CHRNA6: variants seen among roughly 807,000 people sequenced by gnomAD.
CHRNA6 encodes cholinergic receptor nicotinic alpha 6 subunit.
In CHRNA6, 31 loss-of-function variants were observed where a neutral mutation model predicts 40.9. That is an observed-to-expected ratio of 0.76 (90% confidence interval 0.57 to 1.02). CHRNA6 has a LOEUF of 1.02. Ranked by LOEUF, CHRNA6 falls within the 50% of genes least tolerant of loss-of-function variation. CHRNA6 has a pLI of 0.00. For synonymous variants in CHRNA6, 222 were observed against 221.3 expected (o/e 1.00, Z -0.03); for missense variants, 546 against 596.6 (o/e 0.92, Z 0.88).
intron 5 of CHRNA6, among the ~76,000 whole-genome samples, chr8:42,755,184 A>ATTT (rs551656749): frequency 0.013 from 1,805 of 137,130 alleles, 52 homozygotes; most frequent in African/African-American, 0.044. Flanking sequence ...ACGCCTGCTA[A>ATTT]TTTTTTTTTT....
At chr8:42,759,173 G>C (rs1490730556) in intron 2 of CHRNA6, 60 bp from the exon 3 acceptor site, 3 of 1,335,608 alleles carry the variant, frequency 2.2e-6, no homozygotes, top group East Asian at 2.3e-5. Context: ...GTGAGACTTA[G>C]AGCAAAAATT....
intron 2 of CHRNA6, 100 bp from the exon 3 acceptor site, chr8:42,759,213 T>C: frequency 1.2e-6 from 1 of 869,130 alleles, no homozygotes; most frequent in Admixed American, 1.9e-5. Context: ...TCTGACTTAT[T>C]CATGCCAATA....
chr8:42,760,408 A>T (rs1447569685), intron 2 of CHRNA6, among the ~76,000 whole-genome samples: 3 of 151,746 alleles, frequency 2.0e-5, no homozygotes, highest in Non-Finnish European at 2.9e-5. Context: ...ACACATTCGT[A>T]CTCTTATACG....
At chr8:42,757,118 C>G in intron 3 of CHRNA6, 81 bp from the exon 4 acceptor site, 1 of 1,070,790 alleles carries the variant, frequency 9.3e-7, no homozygotes, top group Non-Finnish European at 1.4e-6. Context: ...GTAATCCCAG[C>G]ACTTTGGGAG....
chr8:42,755,226 C>G (rs1410820962), intron 5 of CHRNA6, among the ~76,000 whole-genome samples: 1 of 147,856 alleles, frequency 6.8e-6, no homozygotes, highest in Non-Finnish European at 1.5e-5. Flanking sequence ...CACTATGTTG[C>G]CCAGGCTGAG....
At position 42,756,449 on chromosome 8, in the gene CHRNA6, A is replaced by G. The variant is rs1816802192; in HGVS notation, c.750T>C (p.Pro250=). Residue 250 remains proline (P), a synonymous_variant, in exon 5 of 6, where the codon CCT becomes CCC. Coordinates refer to ENST00000276410, the MANE Select transcript of CHRNA6 (RefSeq NM_004198.3). ...CGGTTAGAAATGAAATAAAGAGACA[A>G]GGGATGATCAGATTAATCGTGTAAA... ...PMFYTINLII[P]CLFISFLTVL... 6 of 1,614,162 alleles carry G rather than the reference A, an allele frequency of 3.7e-6. No individual in the cohort carries two copies. In the African/African-American group the frequency reaches 8.0e-5, roughly 22 times the overall value.
intron 1 of CHRNA6, 28 bp downstream of exon 1, chr8:42,768,324 T>A: frequency 6.4e-7 from 1 of 1,560,706 alleles, no homozygotes; most frequent in Non-Finnish European, 8.8e-7. Flanking sequence ...AAAAAGGGAA[T>A]AGAAGATAAA....
intron 2 of CHRNA6, among the ~76,000 whole-genome samples, chr8:42,764,053 G>A (rs1044533184): frequency 6.6e-6 from 1 of 152,136 alleles, no homozygotes; most frequent in African/African-American, 2.4e-5. Flanking sequence ...GCCCCTCTCT[G>A]GAGACACTTC....
In CHRNA6 at chr8:42,753,330, T is replaced by A; in HGVS notation, c.1354-20A>T. The stretch of plus-strand genomic sequence containing the variant: ...TTCTACCTGAAATGCAAACAAAAAT[T>A]AAGAGCTGTTTTAAAAAACCAAAAC... On this transcript the variant is annotated intron_variant, in intron 5 of 5. Transcript: ENST00000276410. 6.3e-7 allele frequency: 1 copy of A among 1,594,732 alleles called. No individual in the cohort carries two copies. Among genetic ancestry groups the A allele is most frequent in the Non-Finnish European group, 8.5e-7 (1 of 1,175,344 alleles).
chr8:42,755,223 T>G (rs1816778219), intron 5 of CHRNA6, among the ~76,000 whole-genome samples: 1 of 151,410 alleles, frequency 6.6e-6, no homozygotes, highest in Admixed American at 6.6e-5. Context: ...TCTCACTATG[T>G]TGCCCAGGCT....
At chr8:42,757,595 T>G (rs1422460249) in intron 3 of CHRNA6, among the ~76,000 whole-genome samples, 4 of 144,116 alleles carry the variant, frequency 2.8e-5, no homozygotes, top group Admixed American at 1.4e-4. Context: ...TAGCCAGGCA[T>G]GGTGGTGGTT....
At chr8:42,758,707 G>T (rs1816848870) in intron 3 of CHRNA6, among the ~76,000 whole-genome samples, 1 of 152,166 alleles carries the variant, frequency 6.6e-6, no homozygotes. Context: ...AAAACCAGCT[G>T]CTGGGAATCT....
intron 1 of CHRNA6, among the ~76,000 whole-genome samples, chr8:42,766,612 G>A (rs1009573826): frequency 2.2e-4 from 34 of 152,170 alleles, no homozygotes; most frequent in African/African-American, 7.7e-4. Flanking sequence ...GCTTGAAGCC[G>A]TTATCCTCAG....
In CHRNA6 at chr8:42,756,318, G is replaced by T; in HGVS notation, c.881C>A (p.Pro294Gln). 1 of 1,614,262 alleles carries T rather than the reference G, an allele frequency of 6.2e-7. No homozygotes were observed. Among genetic ancestry groups the T allele is most frequent in the Admixed American group, 1.7e-5 (1 of 60,030 alleles). ...VFLLVITETI[P>Q]STSLVVPLVG... ...CAGTGGGACCACCAGAGATGTGGAT[G>T]GGATGGTTTCTGTGATGACCAGCAA... Residue 294 changes from proline (P) to glutamine (Q), a missense_variant, in exon 5 of 6, where the codon CCA (proline) becomes CAA (glutamine). By Grantham distance (76) the Pro-to-Gln change is moderately conservative (BLOSUM62 -1). Transcript: ENST00000276410.
chr8:42,756,011 G>T lies in CHRNA6; in HGVS notation c.1188C>A (p.Phe396Leu). 3 of 1,614,230 alleles carry T rather than the reference G, an allele frequency of 1.9e-6. No individual in the cohort carries two copies. The highest frequency in any genetic ancestry group is 2.5e-6 in the Non-Finnish European group (3 of 1,180,046). Residue 396 changes from phenylalanine to leucine, a missense_variant, in exon 5 of 6, where the codon TTC becomes TTA. Phe to Leu is a conservative substitution (Grantham distance 22). Transcript: ENST00000276410. ...CAAGCTCATTTGATTTGTGACAATG[G>T]AAGCATTCTTTAAGATGTCTGGGTT... Reference protein sequence around the residue: ...HGEPRHLKECFHCHKSNELAT... With the variant: ...HGEPRHLKECLHCHKSNELAT...
chr8:42,765,427 G>T (rs1220540932), intron 1 of CHRNA6, among the ~76,000 whole-genome samples: 1 of 152,222 alleles, frequency 6.6e-6, no homozygotes, highest in Non-Finnish European at 1.5e-5. Context: ...AGCAATGTCT[G>T]CATTTCAGGA....
chr8:42,763,585 A>G (rs1816935002), intron 2 of CHRNA6, among the ~76,000 whole-genome samples: 1 of 152,070 alleles, frequency 6.6e-6, no homozygotes, highest in South Asian at 2.1e-4. Context: ...TTCAGAGGAA[A>G]CTCAGTTCAG....
At position 42,756,129 on chromosome 8, in the gene CHRNA6, C is replaced by T. The variant is rs1816795089; in HGVS notation, c.1070G>A (p.Trp357Ter). The T allele has an allele frequency of 2.5e-6, 4 of 1,614,132 alleles. No individual in the cohort carries two copies. The highest frequency in any genetic ancestry group is 2.7e-5 in the African/African-American group (2 of 74,942). The stretch of plus-strand genomic sequence containing the variant: ...TGTGCCCCTTGTCTTGTCCAGAGGC[C>T]ACCTCATCAGCAGGACCTGGGGCAG... ...KLLPQVLLMR[W>*]PLDKTRGTGS... Residue 357 changes from tryptophan to a stop codon, truncating the protein, a stop_gained, in exon 5 of 6, where the codon TGG (tryptophan) becomes TAG (stop). Coordinates refer to ENST00000276410, the MANE Select transcript of CHRNA6 (RefSeq NM_004198.3). LOFTEE classifies it high-confidence loss of function.
chr8:42,765,161 C>A lies in CHRNA6; in HGVS notation c.123G>T (p.Leu41=), dbSNP rs1248659412. ...TGATGAACTGGTTGTAATGAGAAAA[C>A]AGTTTGTGGAAGAGCCTCTCCTCAG... ...CATEERLFHK[L]FSHYNQFIRP... is the part of the protein sequence containing the mutation. The change falls in exon 2 of 6, where the codon CTG becomes CTT. Residue 41 remains leucine, a synonymous_variant. Transcript: ENST00000276410. The A allele has an allele frequency of 8.1e-6, 13 of 1,613,984 alleles. No homozygotes were observed. Among genetic ancestry groups the A allele is most frequent in the Non-Finnish European group, 1.1e-5 (13 of 1,180,018 alleles).
Sources: gnomAD v4.1 joint callset for allele counts (sites outside exome capture counted in the v4.1 genomes callset) on GRCh38, gnomAD v4.1.1 for gene constraint, MANE v1.5 for transcripts, NCBI Gene and HGNC (gene_info 2026-07-23, HGNC 2026-07-21) for gene names.